KHDRBS2: variants seen among roughly 807,000 people sequenced by gnomAD.
KHDRBS2 encodes KH domain-containing, RNA-binding, signal transduction-associated protein 2.
KHDRBS2 carries 26 observed loss-of-function variants against 44.3 expected under a neutral mutation model. The observed-to-expected ratio is 0.59, with a 90% CI of 0.43 to 0.81. The LOEUF is 0.81. Among genes scored for constraint, KHDRBS2 ranks in the 40% least tolerant of loss-of-function variants. KHDRBS2 has a pLI of 0.00. For missense variants in KHDRBS2, 476 were observed against 433.1 expected (o/e 1.10, Z -0.88); for synonymous variants, 194 against 151.1 (o/e 1.28, Z -2.08).
chr6:61,553,649 A>G, the KHDRBS2 span, among the ~76,000 whole-genome samples: 7 of 152,070 alleles, frequency 4.6e-5, no homozygotes, highest in African/African-American at 1.4e-4. Flanking sequence ...TTAGTGCTAT[A>G]AATTTCCCTC....
chr6:61,703,446 T>A (rs1013255244), intron 7 of KHDRBS2, among the ~76,000 whole-genome samples: 3 of 151,872 alleles, frequency 2.0e-5, no homozygotes. Context: ...ATCTAACTAT[T>A]TTTAGCATTT....
chr6:61,785,674 T>C (rs560689164), intron 6 of KHDRBS2, among the ~76,000 whole-genome samples: 76 of 152,212 alleles, frequency 5.0e-4, no homozygotes, highest in African/African-American at 1.8e-3. Flanking sequence ...AGTATTGGGA[T>C]TACGTATATT....
Position 62,054,084 on chromosome 6 carries a change from G to A in KHDRBS2, c.220-6090C>T, listed in dbSNP as rs529220557. ...TTCATAAATAGGAACTCCCAATGGC[G>A]TATAGATTTCTAGTCTTCTAAATTT... On this transcript the variant is annotated intron_variant, in intron 2 of 8. Coordinates refer to ENST00000281156, the MANE Select transcript of KHDRBS2 (RefSeq NM_152688.4). Among the ~76,000 whole-genome samples, 249 of 152,016 alleles carry A rather than the reference G, an allele frequency of 1.6e-3. 3 individuals are homozygous for A. The highest frequency in any genetic ancestry group is 1.7e-3 in the Admixed American group (26 of 15,246).
chr6:61,911,995 A>G (rs569963817), intron 4 of KHDRBS2, among the ~76,000 whole-genome samples: 1 of 152,294 alleles, frequency 6.6e-6, no homozygotes, highest in East Asian at 1.9e-4. Flanking sequence ...TTTCTAACCA[A>G]CATAAAGCAA....
chr6:61,647,594 C>T, the KHDRBS2 span, among the ~76,000 whole-genome samples: 20 of 152,108 alleles, frequency 1.3e-4, no homozygotes, highest in Non-Finnish European at 1.8e-4. Flanking sequence ...TGAAATCAGG[C>T]GCTTCTCATA....
At chr6:61,554,045 T>C in the KHDRBS2 span, among the ~76,000 whole-genome samples, 1 of 152,150 alleles carries the variant, frequency 6.6e-6, no homozygotes, top group Non-Finnish European at 1.5e-5. Context: ...GTTCATGTCT[T>C]GTATATTTAT....
chr6:62,178,904 TTAAG>T (rs1821692797), intron 1 of KHDRBS2, among the ~76,000 whole-genome samples: 1 of 151,592 alleles, frequency 6.6e-6, no homozygotes. Flanking sequence ...ATGATAGTTA[TTAAG>T]TATGAACATG....
chr6:61,991,796 G>A lies in KHDRBS2; in HGVS notation c.337-13584C>T, dbSNP rs151042285. On this transcript the variant is annotated intron_variant, in intron 3 of 8. Transcript: ENST00000281156. ...TCTGACCCAGGGCTCTGAATGGAGT[G>A]ACTAAGCCAGAGAGGGGAAAACAAG... is the stretch of plus-strand genomic sequence containing the variant. Among the ~76,000 whole-genome samples, 287 of 152,276 alleles carry A rather than the reference G, an allele frequency of 1.9e-3. 3 individuals carry two copies. Among genetic ancestry groups the A allele is most frequent in the African/African-American group, 6.6e-3 (275 of 41,554 alleles).
chr6:61,648,808 T>G, the KHDRBS2 span, among the ~76,000 whole-genome samples: 1 of 152,128 alleles, frequency 6.6e-6, no homozygotes, highest in Admixed American at 6.6e-5. Context: ...TTACTGGATC[T>G]CAAATTTTAT....
At chr6:61,577,088 T>C in the KHDRBS2 span, among the ~76,000 whole-genome samples, 1 of 152,136 alleles carries the variant, frequency 6.6e-6, no homozygotes, top group South Asian at 2.1e-4. Flanking sequence ...TTATGATACC[T>C]GGTAGTTGTG....
intron 3 of KHDRBS2, among the ~76,000 whole-genome samples, chr6:61,984,812 T>C (rs1774715558): frequency 6.6e-6 from 1 of 152,240 alleles, no homozygotes; most frequent in East Asian, 1.9e-4. Context: ...CAAGTTAGAA[T>C]AGGAAGTGTT....
At chr6:61,591,330 A>G in the KHDRBS2 span, among the ~76,000 whole-genome samples, 5 of 152,340 alleles carry the variant, frequency 3.3e-5, no homozygotes, top group South Asian at 4.1e-4. Flanking sequence ...GAATAAATCC[A>G]TAAGTATGGA....
chr6:61,981,551 A>C (rs1773851568), intron 3 of KHDRBS2, among the ~76,000 whole-genome samples: 1 of 151,770 alleles, frequency 6.6e-6, no homozygotes, highest in Admixed American at 6.6e-5. Context: ...GAAATCTTGT[A>C]TTGTCACTTA....
At chr6:61,561,006 T>C in the KHDRBS2 span, among the ~76,000 whole-genome samples, 1 of 152,098 alleles carries the variant, frequency 6.6e-6, no homozygotes, top group Non-Finnish European at 1.5e-5. Context: ...GTGATCTAAG[T>C]TTTTGGGCAC....
rs144118749 is a variant in KHDRBS2, at chr6:61,765,463, A to T, written c.811-32699T>A. On this transcript the variant is annotated intron_variant, in intron 6 of 8. Coordinates refer to ENST00000281156, the MANE Select transcript of KHDRBS2 (RefSeq NM_152688.4). ...AAGACCTGGTAAAAAATAAACAATA[A>T]AAAATAAATAAGTAAATAAGTAAAT... Among the ~76,000 whole-genome samples the T allele has an allele frequency of 3.3e-5, 5 of 152,250 alleles. No individual in the cohort carries two copies. The East Asian group carries it at 9.6e-4, about 29-fold the overall frequency.
chr6:62,058,514 C>T (rs1196798632), intron 2 of KHDRBS2, among the ~76,000 whole-genome samples: 4 of 151,700 alleles, frequency 2.6e-5, no homozygotes, highest in African/African-American at 9.7e-5. Flanking sequence ...GTGTTTGTTG[C>T]CATTAAAACA....
chr6:61,578,966 T>A, the KHDRBS2 span, among the ~76,000 whole-genome samples: 1 of 152,186 alleles, frequency 6.6e-6, no homozygotes, highest in African/African-American at 2.4e-5. Flanking sequence ...GGTAATAGTT[T>A]TATCCCTATT....
At chr6:62,085,195 T>G (rs549820143) in intron 2 of KHDRBS2, among the ~76,000 whole-genome samples, 1 of 152,266 alleles carries the variant, frequency 6.6e-6, no homozygotes, top group East Asian at 1.9e-4. Context: ...TTACATTATT[T>G]ATTTGAGACA....
chr6:61,759,500 A>G (rs1037894100), intron 6 of KHDRBS2, among the ~76,000 whole-genome samples: 2 of 152,160 alleles, frequency 1.3e-5, no homozygotes, highest in African/African-American at 4.8e-5. Context: ...AAATAGACTT[A>G]CTGATTTTAA....
Sources: gnomAD v4.1 joint callset for allele counts (sites outside exome capture counted in the v4.1 genomes callset) on GRCh38, gnomAD v4.1.1 for gene constraint, MANE v1.5 for transcripts, NCBI Gene and HGNC (gene_info 2026-07-23, HGNC 2026-07-21) for gene names.